The following ETS1 variants were observed in gnomAD, a reference collection of about 807,000 sequenced individuals.
ETS1 encodes ETS proto-oncogene 1, transcription factor.
ETS1 carries 15 observed loss-of-function variants against 58.6 expected under a neutral mutation model. The ratio of observed to expected loss-of-function variants is 0.26; its 90% CI spans 0.17 to 0.39. The LOEUF (loss-of-function observed/expected upper bound fraction) is 0.39. Among genes scored for constraint, ETS1 ranks in the 10% least tolerant of loss-of-function variants. The pLI is 1.00. For missense variants in ETS1, 417 were observed against 610.5 expected, an observed-to-expected ratio of 0.68 and a Z score of 3.34; for synonymous variants, 214 against 218.2, an observed-to-expected ratio of 0.98 and a Z score of 0.17.
chr11:128,497,595 G>A (rs979657776), intron 3 of ETS1: 18 of 984,872 alleles, frequency 1.8e-5, no homozygotes, highest in Non-Finnish European at 1.9e-5. Context: ...TGGTTCCAAT[G>A]AGCCCTTGAC....
At chr11:128,569,222 C>T (rs1864570283) in intron 2 of ETS1, among the ~76,000 whole-genome samples, 1 of 151,466 alleles carries the variant, frequency 6.6e-6, no homozygotes, top group South Asian at 2.1e-4. Context: ...TGCCAAATAT[C>T]CCTTTGGGGG....
chr11:128,522,098 C>G, intron 3 of ETS1: 3 of 1,318,698 alleles, frequency 2.3e-6, no homozygotes, highest in Non-Finnish European at 2.9e-6. Context: ...CGGGGGAAAT[C>G]CGACTTTCTT....
intron 3 of ETS1, among the ~76,000 whole-genome samples, chr11:128,514,251 A>C (rs1863465179): frequency 6.6e-6 from 1 of 152,202 alleles, no homozygotes; most frequent in South Asian, 2.1e-4. Context: ...AGTAACCAAA[A>C]AAAAAAAGTT....
Position 128,480,346 on chromosome 11 carries a change from C to T in ETS1, c.968G>A (p.Arg323His), listed in dbSNP as rs1314535450. 2.5e-6 allele frequency: 4 copies of T among 1,613,938 alleles called. No homozygotes were observed. Among genetic ancestry groups the T allele is most frequent in the Non-Finnish European group, 2.5e-6 (3 of 1,180,010 alleles). Reference protein sequence around the residue: ...SSQSSFNSLQRVPSYDSFDSE... With the variant: ...SSQSSFNSLQHVPSYDSFDSE... The stretch of plus-strand genomic sequence containing the variant: ...GTCGAAGCTGTCATAGGAGGGAACA[C>T]GCTGCAGGCTGTTGAAAGATGACTG... Residue 323 changes from arginine (R) to histidine (H), a missense_variant, in exon 8 of 10, where the codon CGT becomes CAT. Transcript: ENST00000392668.
intron 2 of ETS1, among the ~76,000 whole-genome samples, chr11:128,556,729 G>A (rs561662843): frequency 4.6e-5 from 7 of 152,234 alleles, no homozygotes; most frequent in South Asian, 2.1e-4. Context: ...CAGCAGGGCC[G>A]AATGCTGACC....
intron 3 of ETS1, 110 bp from the exon 4 acceptor site, chr11:128,490,686 C>A (rs925818472): frequency 9.3e-6 from 7 of 754,316 alleles, no homozygotes; most frequent in Non-Finnish European, 1.5e-5. Flanking sequence ...ACTGTGCTAG[C>A]ATCCTCACCA....
intron 2 of ETS1, among the ~76,000 whole-genome samples, chr11:128,569,318 C>CTTTTTTTTGTTTT (rs1864575583): frequency 2.5e-5 from 1 of 39,462 alleles, no homozygotes; most frequent in Non-Finnish European, 4.5e-5. Context: ...AGAGTTTCTT[C>CTTTTTTTTGTTTT]TTTTTTTTTT....
At chr11:128,582,568 C>A (rs988140405) in intron 1 of ETS1, among the ~76,000 whole-genome samples, 2 of 152,256 alleles carry the variant, frequency 1.3e-5, no homozygotes, top group Non-Finnish European at 2.9e-5. Flanking sequence ...AGAGCTAGAA[C>A]ATGGATAGCT....
intron 7 of ETS1, among the ~76,000 whole-genome samples, chr11:128,482,423 GTC>G (rs374402107): frequency 5.3e-5 from 8 of 152,154 alleles, no homozygotes; most frequent in African/African-American, 1.7e-4. Flanking sequence ...TTATGCTAAA[GTC>G]TCTCTGAAAT....
intron 3 of ETS1, among the ~76,000 whole-genome samples, chr11:128,530,787 A>C (rs1863884983): frequency 6.6e-6 from 1 of 152,152 alleles, no homozygotes; most frequent in Non-Finnish European, 1.5e-5. Flanking sequence ...ATTCTGAATA[A>C]TTGTTGAGAA....
intron 3 of ETS1, among the ~76,000 whole-genome samples, chr11:128,501,409 C>G (rs1298637372): frequency 6.6e-6 from 1 of 152,226 alleles, no homozygotes; most frequent in African/African-American, 2.4e-5. Flanking sequence ...TGATACTGAA[C>G]CAGTTCTGTA....
chr11:128,468,529 T>C (rs1367831107), intron 8 of ETS1, among the ~76,000 whole-genome samples: 2 of 152,124 alleles, frequency 1.3e-5, no homozygotes, highest in East Asian at 3.8e-4. Context: ...CAGGGTCAGG[T>C]TGAACTTCAC....
At chr11:128,547,221 G>A (rs1044155965) in intron 3 of ETS1, among the ~76,000 whole-genome samples, 3 of 152,206 alleles carry the variant, frequency 2.0e-5, no homozygotes, top group Non-Finnish European at 4.4e-5. Flanking sequence ...GCGTACTCTA[G>A]AAGTACAATG....
intron 1 of ETS1, among the ~76,000 whole-genome samples, chr11:128,579,959 T>C (rs1229277995): frequency 1.3e-5 from 2 of 151,988 alleles, no homozygotes; most frequent in South Asian, 2.1e-4. Context: ...TGTAACAAAG[T>C]TCATGACACT....
Position 128,573,144 on chromosome 11 carries a change from C to T in ETS1, c.-14G>A. On this transcript the variant is annotated splice_region_variant and 5_prime_UTR_variant, in exon 2 of 10. The change creates a new upstream start codon in the 5' untranslated region. Transcript: ENST00000392668. ...AAAGTAGCTCATTCTGCTCTCAGCA[C>T]CTGTGTGAGAGAAGGCGTTGGCTGA... 1 of 1,571,566 alleles carries T rather than the reference C, an allele frequency of 6.4e-7. No individual in the cohort carries two copies. The highest frequency in any genetic ancestry group is 1.2e-5 in the South Asian group (1 of 85,472).
At position 128,551,535 on chromosome 11, in the gene ETS1, C is replaced by T. The variant is rs1415998497; in HGVS notation, c.214+4756G>A. Among the ~76,000 whole-genome samples, 6 of 152,214 alleles carry T rather than the reference C, an allele frequency of 3.9e-5. No individual in the cohort carries two copies. The East Asian group carries it at 1.2e-3, about 29-fold the overall frequency. On this transcript the variant is annotated intron_variant, in intron 3 of 9. Coordinates refer to ENST00000392668, the MANE Select transcript of ETS1 (RefSeq NM_001143820.2). ...TGAGATCCAAAGCCACACATTAATACTGCCAAACTTTATGTCATAAATAAG... is the reference window on the plus strand; with the variant it reads ...TGAGATCCAAAGCCACACATTAATATTGCCAAACTTTATGTCATAAATAAG...
intron 2 of ETS1, among the ~76,000 whole-genome samples, chr11:128,561,334 C>A (rs191030086): frequency 6.6e-6 from 1 of 152,134 alleles, no homozygotes; most frequent in African/African-American, 2.4e-5. Context: ...GGCAAGAAGG[C>A]GAGGAGGCTG....
Position 128,460,092 on chromosome 11 carries a change from ACAC to A in ETS1, c.*2266_*2268del, listed in dbSNP as rs1565360501. The stretch of plus-strand genomic sequence containing the variant: ...TGCAAACACACACACACACACACAC[ACAC>A]ACACACACACACACACACACAACAT... On this transcript the variant is annotated 3_prime_UTR_variant, in exon 10 of 10. Coordinates refer to ENST00000392668, the MANE Select transcript of ETS1 (RefSeq NM_001143820.2). 1,215 of 151,578 alleles carry A rather than the reference ACAC, an allele frequency of 8.0e-3. 33 individuals carry two copies. Among genetic ancestry groups the A allele is most frequent in the Admixed American group, 0.051 (770 of 15,200 alleles). The allele number at this position is 151,578 out of a possible 1,614,324, so 9.4% of individuals were successfully genotyped here. A position where few individuals can be genotyped will look rare whatever the true frequency, so the allele number is the denominator to read the frequency against.
At chr11:128,523,880 G>A (rs1455485444) in intron 3 of ETS1, among the ~76,000 whole-genome samples, 1 of 151,738 alleles carries the variant, frequency 6.6e-6, no homozygotes, top group Non-Finnish European at 1.5e-5. Context: ...AGAAACAGCT[G>A]ATGAATGAAT....
Sources: gnomAD v4.1 joint callset for allele counts (sites outside exome capture counted in the v4.1 genomes callset) on GRCh38, gnomAD v4.1.1 for gene constraint, MANE v1.5 for transcripts, NCBI Gene and HGNC (gene_info 2026-07-23, HGNC 2026-07-21) for gene names.